The following KATNIP variants were observed in gnomAD, a reference collection of about 807,000 sequenced individuals.
The protein encoded by KATNIP is katanin interacting protein.
KATNIP carries 126 observed loss-of-function variants against 174.0 expected under a neutral mutation model. The observed-to-expected ratio is 0.72, with a 90% CI of 0.63 to 0.84. The LOEUF (loss-of-function observed/expected upper bound fraction) is 0.84. Ranked by LOEUF, KATNIP falls within the 40% of genes least tolerant of loss-of-function variation. The pLI is 0.00. For synonymous variants in KATNIP, 810 were observed against 835.7 expected (o/e 0.97, Z 0.53); for missense variants, 1,958 against 2,109.7 (o/e 0.93, Z 1.41).
intron 19 of KATNIP, 58 bp from the exon 20 acceptor site, chr16:27,766,251 G>A (rs1279767898): frequency 7.6e-6 from 12 of 1,587,840 alleles, no homozygotes; most frequent in Non-Finnish European, 9.4e-6. Context: ...GGGCCCCACT[G>A]TGATGCCTCC....
intron 2 of KATNIP, among the ~76,000 whole-genome samples, chr16:27,574,871 C>T (rs1363244329): frequency 2.6e-5 from 4 of 152,168 alleles, no homozygotes. Context: ...TTCTTGAAAG[C>T]AGGTCACAAG....
At chr16:27,707,285 C>T (rs144506961) in intron 12 of KATNIP, among the ~76,000 whole-genome samples, 201 of 152,296 alleles carry the variant, frequency 1.3e-3, no homozygotes, top group African/African-American at 4.7e-3. Context: ...AGTGACTGAT[C>T]CGTGGCGACC....
At chr16:27,632,907 C>T (rs1401239951) in intron 5 of KATNIP, among the ~76,000 whole-genome samples, 2 of 152,028 alleles carry the variant, frequency 1.3e-5, no homozygotes, top group Non-Finnish European at 2.9e-5. Context: ...CCTGCCACCA[C>T]ACTCGGCTGA....
At chr16:27,638,429 G>C (rs1284317213) in intron 5 of KATNIP, among the ~76,000 whole-genome samples, 3 of 152,218 alleles carry the variant, frequency 2.0e-5, no homozygotes, top group Non-Finnish European at 4.4e-5. Context: ...AGTCCATGGA[G>C]ACAGAGTCTT....
At chr16:27,704,123 C>G (rs74016986) in intron 12 of KATNIP, 125 bp downstream of exon 12, 1 of 603,314 alleles carries the variant, frequency 1.7e-6, no homozygotes, top group Non-Finnish European at 2.9e-6. Context: ...GTTTCCACCG[C>G]CCCCCCCCTC....
chr16:27,580,688 T>C, intron 2 of KATNIP, among the ~76,000 whole-genome samples: 1 of 143,286 alleles, frequency 7.0e-6, no homozygotes, highest in South Asian at 2.3e-4. Flanking sequence ...ATACACATTG[T>C]TTTCTTCTTG....
intron 16 of KATNIP, 45 bp downstream of exon 16, chr16:27,750,351 C>T (rs750355384): frequency 1.5e-5 from 23 of 1,561,502 alleles, no homozygotes; most frequent in Admixed American, 5.4e-5. Context: ...CTATCTGTGA[C>T]TTGCTGAGAG....
At chr16:27,766,236 G>T (rs2082118684) in intron 19 of KATNIP, 73 bp from the exon 20 acceptor site, 2 of 1,543,674 alleles carry the variant, frequency 1.3e-6, no homozygotes, top group African/African-American at 1.4e-5. Context: ...GGGCCGAGGG[G>T]GTGGGGGCCC....
chr16:27,766,584 A>G (rs2082133483), intron 20 of KATNIP, 110 bp downstream of exon 20: 12 of 1,166,938 alleles, frequency 1.0e-5, no homozygotes, highest in South Asian at 3.0e-5. Context: ...GAATTTTCCA[A>G]ACGGAGCTGG....
chr16:27,584,157 T>G (rs2090799573), intron 2 of KATNIP, among the ~76,000 whole-genome samples: 1 of 152,104 alleles, frequency 6.6e-6, no homozygotes, highest in East Asian at 1.9e-4. Context: ...TGATTGGTGC[T>G]TCTTCCTCCT....
At position 27,708,894 on chromosome 16, in the gene KATNIP, G is replaced by T. The variant is rs1297203873; in HGVS notation, c.1579G>T (p.Gly527Cys). Residue 527 changes from glycine (G) to cysteine (C), a missense_variant, in exon 13 of 28, where the codon GGC (glycine) becomes TGC (cysteine). Coordinates refer to ENST00000261588, the MANE Select transcript of KATNIP (RefSeq NM_015202.5). ...IRNTATPGEL[G>C]RLVNRNLAGK... ...GAACACAGCCACGCCTGGGGAGCTG[G>T]GCCGCCTCGTCAACAGGAACTTAGC... The T allele has an allele frequency of 1.3e-5, 21 of 1,613,182 alleles. No individual in the cohort carries two copies. The highest frequency in any genetic ancestry group is 1.8e-5 in the Non-Finnish European group (21 of 1,179,842).
At chr16:27,775,107 C>A (rs139021060) in intron 24 of KATNIP, 23 bp downstream of exon 24, 9 of 1,605,548 alleles carry the variant, frequency 5.6e-6, no homozygotes, top group Non-Finnish European at 7.6e-6. Flanking sequence ...CAGCGGCCAC[C>A]GCAGCTCCTG....
At chr16:27,594,179 G>A (rs77523921) in intron 2 of KATNIP, among the ~76,000 whole-genome samples, 4 of 152,050 alleles carry the variant, frequency 2.6e-5, no homozygotes, top group Non-Finnish European at 5.9e-5. Flanking sequence ...AGGATCACTC[G>A]AGCCCAGGAA....
intron 2 of KATNIP, among the ~76,000 whole-genome samples, chr16:27,580,516 C>T (rs937896673): frequency 2.0e-5 from 3 of 152,188 alleles, no homozygotes; most frequent in African/African-American, 7.2e-5. Flanking sequence ...CAAGAGTATT[C>T]AGGGAATACA....
intron 6 of KATNIP, among the ~76,000 whole-genome samples, chr16:27,658,793 G>C (rs233472): frequency 0.89 from 135,567 of 152,222 alleles, 60,614 homozygotes; most frequent in East Asian, 1. Flanking sequence ...TTCAGAGTCT[G>C]ACTCAGCTGC....
intron 1 of KATNIP, among the ~76,000 whole-genome samples, chr16:27,554,434 C>T (rs1233015882): frequency 6.6e-6 from 1 of 152,160 alleles, no homozygotes; most frequent in African/African-American, 2.4e-5. Context: ...CACTGTATTG[C>T]AGCCTGGGCA....
chr16:27,761,378 C>G, intron 18 of KATNIP, 35 bp from the exon 19 acceptor site: 1 of 1,576,860 alleles, frequency 6.3e-7, no homozygotes, highest in Non-Finnish European at 8.6e-7. Flanking sequence ...TCTGGAGCCT[C>G]TGGTGCTAAT....
intron 11 of KATNIP, among the ~76,000 whole-genome samples, chr16:27,703,640 T>C (rs919940083): frequency 6.6e-6 from 1 of 152,220 alleles, no homozygotes; most frequent in African/African-American, 2.4e-5. Flanking sequence ...TCTCAAGTTC[T>C]AAGCTTAGGG....
rs143702128 is a variant in KATNIP, at chr16:27,750,659, C to A, written c.3346+353C>A. On this transcript the variant is annotated intron_variant, in intron 16 of 27. Transcript: ENST00000261588. ...ATGTTAGCCAGGATGGTCTCGATCTCCTGACCTCATGATCTGCCCGTCTCG... is the reference window on the plus strand; with the variant it reads ...ATGTTAGCCAGGATGGTCTCGATCTACTGACCTCATGATCTGCCCGTCTCG... 9.4e-3 allele frequency among the ~76,000 whole-genome samples: 1,402 copies of A among 149,218 alleles called. 25 individuals carry two copies. The highest frequency in any genetic ancestry group is 0.033 in the African/African-American group (1,347 of 40,266).
Sources: gnomAD v4.1 joint callset for allele counts (sites outside exome capture counted in the v4.1 genomes callset) on GRCh38, gnomAD v4.1.1 for gene constraint, MANE v1.5 for transcripts, NCBI Gene and HGNC (gene_info 2026-07-23, HGNC 2026-07-21) for gene names.